Variants in SLC39A11 observed in about 807,000 individuals in gnomAD.
SLC39A11 encodes zinc transporter ZIP11.
In SLC39A11, 33 loss-of-function variants were observed where a neutral mutation model predicts 36.1. The observed-to-expected ratio is 0.91, with a 90% CI of 0.69 to 1.22. SLC39A11 has a LOEUF of 1.22. SLC39A11 is among the 50% of genes most tolerant of loss of function. The pLI is 0.00. For synonymous variants in SLC39A11, 166 were observed against 170.3 expected (o/e 0.97, Z 0.20); for missense variants, 432 against 430.3 (o/e 1.00, Z -0.03).
intron 6 of SLC39A11, among the ~76,000 whole-genome samples, chr17:72,798,975 T>C (rs1486898170): frequency 2.0e-5 from 3 of 151,030 alleles, no homozygotes; most frequent in Non-Finnish European, 1.5e-5. Flanking sequence ...AGGCCAAAGA[T>C]AGGGAGAAGA....
At chr17:72,866,343 C>T (rs183351562) in intron 5 of SLC39A11, among the ~76,000 whole-genome samples, 4 of 152,204 alleles carry the variant, frequency 2.6e-5, no homozygotes, top group Non-Finnish European at 5.9e-5. Context: ...AAAACAAGCT[C>T]GGGGCTCCCA....
chr17:72,692,255 C>G (rs2072067403), intron 7 of SLC39A11, among the ~76,000 whole-genome samples: 1 of 152,198 alleles, frequency 6.6e-6, no homozygotes, highest in Non-Finnish European at 1.5e-5. Flanking sequence ...TTGCGAACCA[C>G]CCGCCTCGGC....
chr17:72,967,294 A>G (rs2087061059), intron 4 of SLC39A11, among the ~76,000 whole-genome samples: 1 of 151,478 alleles, frequency 6.6e-6, no homozygotes, highest in East Asian at 2.0e-4. Context: ...AGGGACTACT[A>G]TGCTAGAGTG....
At chr17:72,859,300 G>A (rs1413080710) in intron 5 of SLC39A11, among the ~76,000 whole-genome samples, 2 of 152,018 alleles carry the variant, frequency 1.3e-5, no homozygotes, top group Non-Finnish European at 2.9e-5. Flanking sequence ...AAGACAGGAT[G>A]CCCAGTTATG....
At chr17:72,698,459 CAAA>C (rs61454778) in intron 7 of SLC39A11, among the ~76,000 whole-genome samples, 16,225 of 93,004 alleles carry the variant, frequency 0.17, 972 homozygotes, top group African/African-American at 0.22. Context: ...TAATAAAAAC[CAAA>C]AAAAAAAAAA....
At chr17:72,884,766 C>A (rs1398705580) in intron 5 of SLC39A11, among the ~76,000 whole-genome samples, 1 of 152,200 alleles carries the variant, frequency 6.6e-6, no homozygotes, top group African/African-American at 2.4e-5. Context: ...AATAGAAAGA[C>A]TGGAAACCTT....
At chr17:72,970,753 G>A (rs2087382058) in intron 4 of SLC39A11, among the ~76,000 whole-genome samples, 1 of 152,240 alleles carries the variant, frequency 6.6e-6, no homozygotes, top group South Asian at 2.1e-4. Flanking sequence ...GGATCCTGGG[G>A]TCACCTTGGG....
rs115066730 is a variant in SLC39A11 at position 72,900,924 on chromosome 17, T to C, written c.430+46828A>G. ...TCCTTTTCTGAAACAAAATTCGAGC[T>C]TCAAAAGGTCACCTGCATGCCTGTG... On this transcript the variant is annotated intron_variant, in intron 5 of 9. Coordinates refer to ENST00000255559, the MANE Select transcript of SLC39A11 (RefSeq NM_139177.4). 5.2e-3 allele frequency among the ~76,000 whole-genome samples: 789 copies of C among 151,792 alleles called. 3 individuals are homozygous for C. Among genetic ancestry groups the C allele is most frequent in the African/African-American group, 0.018 (763 of 41,360 alleles).
intron 5 of SLC39A11, among the ~76,000 whole-genome samples, chr17:72,893,152 A>G (rs1042262445): frequency 2.0e-5 from 3 of 152,196 alleles, no homozygotes; most frequent in South Asian, 4.1e-4. Flanking sequence ...ATGAAGCCCA[A>G]TACTATTGAA....
chr17:73,044,596 G>A (rs1020731424), intron 3 of SLC39A11, among the ~76,000 whole-genome samples: 2 of 152,294 alleles, frequency 1.3e-5, no homozygotes, highest in Admixed American at 6.5e-5. Flanking sequence ...TATCTCAGCT[G>A]GACATGGTGG....
At chr17:72,924,161 A>T (rs866711047) in intron 5 of SLC39A11, among the ~76,000 whole-genome samples, 1 of 113,716 alleles carries the variant, frequency 8.8e-6, no homozygotes, top group Non-Finnish European at 1.9e-5. Flanking sequence ...AAAAAAAAAA[A>T]ATTTTTTTTT....
At chr17:72,670,043 T>C (rs1022187328) in intron 7 of SLC39A11, among the ~76,000 whole-genome samples, 4 of 146,966 alleles carry the variant, frequency 2.7e-5, no homozygotes, top group East Asian at 2.0e-4. Flanking sequence ...CACATATATA[T>C]ACGTATAGAT....
chr17:72,772,617 T>C lies in SLC39A11; in HGVS notation c.602-35898A>G, dbSNP rs528044799. 3.3e-5 allele frequency among the ~76,000 whole-genome samples: 5 copies of C among 152,326 alleles called. No homozygotes were observed. In the East Asian group the frequency reaches 7.7e-4, roughly 24 times the overall value. Reference sequence around the variant, plus strand: ...AGAGAAGGTAAGTGTGGAGGAGGTATAGGCTTCCTGTAGGCGTGTTCCTGT... The same window carrying C: ...AGAGAAGGTAAGTGTGGAGGAGGTACAGGCTTCCTGTAGGCGTGTTCCTGT... On this transcript the variant is annotated intron_variant, in intron 6 of 9. Transcript: ENST00000255559.
At chr17:73,018,835 A>C (rs943519538) in intron 4 of SLC39A11, among the ~76,000 whole-genome samples, 1 of 148,848 alleles carries the variant, frequency 6.7e-6, no homozygotes, top group Non-Finnish European at 1.5e-5. Context: ...AAATGTTACT[A>C]ATCACTGGGA....
intron 3 of SLC39A11, among the ~76,000 whole-genome samples, chr17:73,039,499 T>G (rs992685783): frequency 6.6e-6 from 1 of 152,200 alleles, no homozygotes; most frequent in African/African-American, 2.4e-5. Context: ...TCCTTGCTAA[T>G]GAAGGGGAGG....
At chr17:73,079,003 T>C (rs1042357987) in intron 3 of SLC39A11, among the ~76,000 whole-genome samples, 2 of 152,146 alleles carry the variant, frequency 1.3e-5, no homozygotes, top group Admixed American at 6.6e-5. Flanking sequence ...AAAATTTACA[T>C]CATTGCTTTT....
At chr17:72,810,393 T>C (rs148421183) in intron 6 of SLC39A11, among the ~76,000 whole-genome samples, 140 of 152,252 alleles carry the variant, frequency 9.2e-4, no homozygotes, top group Middle Eastern at 3.4e-3. Flanking sequence ...ATAAATACAA[T>C]AGAATACTGC....
intron 7 of SLC39A11, among the ~76,000 whole-genome samples, chr17:72,731,019 G>A (rs1441767289): frequency 1.3e-5 from 2 of 152,160 alleles, no homozygotes; most frequent in Non-Finnish European, 2.9e-5. Context: ...CCCAGTGCTG[G>A]AATTGCAGGT....
intron 5 of SLC39A11, among the ~76,000 whole-genome samples, chr17:72,914,112 C>G (rs1266400005): frequency 6.6e-6 from 1 of 151,506 alleles, no homozygotes; most frequent in South Asian, 2.1e-4. Flanking sequence ...ATCAGGAGAT[C>G]AAGACCATCC....
Sources: allele counts gnomAD v4.1 joint callset (sites outside exome capture counted in the v4.1 genomes callset), GRCh38; gene constraint gnomAD v4.1.1; transcripts MANE v1.5; gene names NCBI Gene and HGNC (gene_info 2026-07-23, HGNC 2026-07-21).